The following TXNDC16 variants were observed in gnomAD, a reference collection of about 807,000 sequenced individuals.
TXNDC16 encodes thioredoxin domain-containing protein 16.
Under a neutral mutation model 85.6 loss-of-function variants are expected in TXNDC16, and 74 were observed. The ratio of observed to expected loss-of-function variants is 0.86; its 90% CI spans 0.72 to 1.05. TXNDC16 has a LOEUF of 1.05. TXNDC16 is among the 50% of genes least tolerant of loss of function. The pLI is 0.00. For missense variants in TXNDC16, 959 were observed against 947.0 expected (o/e 1.01, Z -0.17); for synonymous variants, 335 against 326.5 (o/e 1.03, Z -0.28).
At chr14:52,463,902 T>C (rs1223574234) in intron 16 of TXNDC16, among the ~76,000 whole-genome samples, 1 of 152,102 alleles carries the variant, frequency 6.6e-6, no homozygotes, top group Non-Finnish European at 1.5e-5. Context: ...ATATCAGTGT[T>C]TGCAAAAAAA....
At chr14:52,504,119 G>T (rs963605049) in intron 9 of TXNDC16, among the ~76,000 whole-genome samples, 1 of 152,186 alleles carries the variant, frequency 6.6e-6, no homozygotes, top group Non-Finnish European at 1.5e-5. Flanking sequence ...GTGAGGGGGA[G>T]GATGGAACCA....
chr14:52,542,668 C>T (rs1271856430), intron 3 of TXNDC16, among the ~76,000 whole-genome samples: 1 of 151,958 alleles, frequency 6.6e-6, no homozygotes, highest in African/African-American at 2.4e-5. Flanking sequence ...TGTAAATGGA[C>T]CTTAAAAACT....
At chr14:52,503,036 G>A (rs975106881) in intron 9 of TXNDC16, among the ~76,000 whole-genome samples, 3 of 152,308 alleles carry the variant, frequency 2.0e-5, no homozygotes, top group Admixed American at 6.5e-5. Context: ...GAGGAGGGGC[G>A]CCCGCCATTG....
intron 14 of TXNDC16, among the ~76,000 whole-genome samples, chr14:52,480,240 G>A (rs965210495): frequency 5.9e-5 from 9 of 151,492 alleles, no homozygotes; most frequent in Admixed American, 4.6e-4. Context: ...TTGGAAAAAC[G>A]CTTCTAGACA....
At chr14:52,445,292 C>G (rs1393834131) in intron 18 of TXNDC16, among the ~76,000 whole-genome samples, 2 of 152,036 alleles carry the variant, frequency 1.3e-5, no homozygotes. Flanking sequence ...ATGAACATAT[C>G]AATTCAATGA....
intron 6 of TXNDC16, among the ~76,000 whole-genome samples, chr14:52,526,384 T>G (rs1158150152): frequency 6.6e-6 from 1 of 152,186 alleles, no homozygotes; most frequent in Non-Finnish European, 1.5e-5. Flanking sequence ...ATGTTCAGTT[T>G]TTGTGAAACC....
At chr14:52,482,610 T>A (rs920064749) in intron 13 of TXNDC16, among the ~76,000 whole-genome samples, 1 of 152,166 alleles carries the variant, frequency 6.6e-6, no homozygotes, top group Non-Finnish European at 1.5e-5. Flanking sequence ...TTAATGAACA[T>A]CTAGTTTAAT....
At chr14:52,500,474 T>C (rs930288957) in intron 9 of TXNDC16, among the ~76,000 whole-genome samples, 1 of 152,128 alleles carries the variant, frequency 6.6e-6, no homozygotes, top group African/African-American at 2.4e-5. Flanking sequence ...AGATGTGAAG[T>C]TGTGTGTTCA....
At chr14:52,461,337 T>C (rs1025811715) in intron 16 of TXNDC16, among the ~76,000 whole-genome samples, 9 of 152,180 alleles carry the variant, frequency 5.9e-5, no homozygotes, top group African/African-American at 2.2e-4. Flanking sequence ...TTTAATTTTA[T>C]TAACAAATCT....
chr14:52,438,735 A>G (rs1020885640), intron 20 of TXNDC16, among the ~76,000 whole-genome samples: 3 of 152,204 alleles, frequency 2.0e-5, no homozygotes. Context: ...ATAATGCACT[A>G]TTTGTAAAAT....
chr14:52,455,510 C>T lies in TXNDC16; in HGVS notation c.1704-48G>A, dbSNP rs201271199. 154 of 1,605,406 alleles carry T rather than the reference C, an allele frequency of 9.6e-5. 1 individual carries two copies. The South Asian group carries it at 1.6e-3, about 17-fold the overall frequency. On this transcript the variant is annotated intron_variant, in intron 17 of 20. Transcript: ENST00000281741. Reference sequence around the variant, plus strand: ...AATTCACGATCAAAATCTAGCATGTCAAAAACATGAAAATCTAGGCTAGGA... The same window carrying T: ...AATTCACGATCAAAATCTAGCATGTTAAAAACATGAAAATCTAGGCTAGGA...
intron 14 of TXNDC16, among the ~76,000 whole-genome samples, chr14:52,480,620 G>C (rs982525640): frequency 2.0e-5 from 3 of 152,032 alleles, no homozygotes; most frequent in East Asian, 3.9e-4. Flanking sequence ...AACACAATGA[G>C]ATATCACCTT....
intron 9 of TXNDC16, among the ~76,000 whole-genome samples, chr14:52,508,088 T>C (rs938741164): frequency 6.6e-6 from 1 of 152,162 alleles, no homozygotes. Context: ...ACTAAAGAGC[T>C]TCTGCACAGC....
intron 20 of TXNDC16, among the ~76,000 whole-genome samples, chr14:52,437,826 T>C (rs1326630843): frequency 6.6e-6 from 1 of 152,212 alleles, no homozygotes; most frequent in Non-Finnish European, 1.5e-5. Context: ...GATATTTCTC[T>C]GATCATCAGA....
intron 6 of TXNDC16, among the ~76,000 whole-genome samples, chr14:52,529,670 T>TATATATTATATATAATGCCTATTAC (rs2037437769): frequency 1.9e-5 from 2 of 108,056 alleles, no homozygotes; most frequent in Non-Finnish European, 3.4e-5. Flanking sequence ...ATGCCTATTA[T>TATATATTATATATAATGCCTATTAC]ATATAATATA....
chr14:52,474,139 T>TGC (rs1423507903), intron 14 of TXNDC16, among the ~76,000 whole-genome samples: 1 of 152,214 alleles, frequency 6.6e-6, no homozygotes, highest in Non-Finnish European at 1.5e-5. Context: ...TCTGAGCCCT[T>TGC]GCATTGAGGG....
rs1213704912 is a variant in TXNDC16 at position 52,432,170 on chromosome 14, A to G, written c.*134T>C. 2 of 745,630 alleles carry G rather than the reference A, an allele frequency of 2.7e-6. No individual in the cohort carries two copies. The highest frequency in any genetic ancestry group is 3.9e-6 in the Non-Finnish European group (2 of 518,954). The allele number at this position is 745,630 out of a possible 1,614,324, so 46.2% of individuals were successfully genotyped here. On this transcript the variant is annotated 3_prime_UTR_variant, in exon 21 of 21. Coordinates refer to ENST00000281741, the MANE Select transcript of TXNDC16 (RefSeq NM_020784.3). ...TGTAGTTACTAGAAAATTTTAAATA[A>G]AATATGTGACTTATATTATAATTCT...
intron 18 of TXNDC16, among the ~76,000 whole-genome samples, chr14:52,451,119 G>C (rs2035401390): frequency 6.6e-6 from 1 of 151,822 alleles, no homozygotes; most frequent in African/African-American, 2.4e-5. Context: ...GGGCTTGAGG[G>C]GAAGGGTAAA....
At chr14:52,520,677 CT>C (rs1437886994) in intron 6 of TXNDC16, among the ~76,000 whole-genome samples, 1 of 152,072 alleles carries the variant, frequency 6.6e-6, no homozygotes, top group African/African-American at 2.4e-5. Context: ...TTCTCTACCC[CT>C]AACAACTCAT....
Sources: allele counts gnomAD v4.1 joint callset (sites outside exome capture counted in the v4.1 genomes callset), GRCh38; gene constraint gnomAD v4.1.1; transcripts MANE v1.5; gene names NCBI Gene and HGNC (gene_info 2026-07-23, HGNC 2026-07-21).